BAZ2B: variants seen among roughly 807,000 people sequenced by gnomAD.
BAZ2B encodes bromodomain adjacent to zinc finger domain protein 2B.
A neutral mutation model predicts 246.0 loss-of-function variants in BAZ2B; 91 were observed. The ratio of observed to expected loss-of-function variants is 0.37; its 90% CI spans 0.31 to 0.44. BAZ2B has a LOEUF of 0.44. BAZ2B is among the 20% of genes least tolerant of loss of function. BAZ2B has a pLI of 1.00. For synonymous variants in BAZ2B, 855 were observed against 860.0 expected (o/e 0.99, Z 0.10); for missense variants, 2,332 against 2,533.7 (o/e 0.92, Z 1.71).
chr2:159,697,217 GT>G, the BAZ2B span, among the ~76,000 whole-genome samples: 37,517 of 151,766 alleles, frequency 0.25, 5,981 homozygotes, highest in Admixed American at 0.43. Flanking sequence ...TTGCCTGCTT[GT>G]TTTTTTTGGA....
the BAZ2B span, among the ~76,000 whole-genome samples, chr2:159,703,859 T>C: frequency 6.6e-6 from 1 of 152,142 alleles, no homozygotes; most frequent in African/African-American, 2.4e-5. Flanking sequence ...AACAAGACCC[T>C]GTCTCAAAAA....
chr2:159,394,327 C>T lies in BAZ2B; in HGVS notation c.3075+1442G>A, dbSNP rs568923384. Among the ~76,000 whole-genome samples, 258 of 152,138 alleles carry T rather than the reference C, an allele frequency of 1.7e-3. 1 individual carries two copies. Among genetic ancestry groups the T allele is most frequent in the Non-Finnish European group, 3.0e-3 (203 of 68,000 alleles). ...CCCTTCACTGTACTGTTTCCATAAG[C>T]GAATAGAGAGCAGCCATGCCAATTC... On this transcript the variant is annotated intron_variant, in intron 20 of 36. Coordinates refer to ENST00000392783, the MANE Select transcript of BAZ2B (RefSeq NM_013450.4).
chr2:159,439,886 T>A, intron 6 of BAZ2B, among the ~76,000 whole-genome samples: 1 of 152,126 alleles, frequency 6.6e-6, no homozygotes, highest in East Asian at 1.9e-4. Context: ...TAGATAAATA[T>A]GACGAGAGAG....
At chr2:159,428,076 T>G in intron 12 of BAZ2B, 34 bp from the exon 13 acceptor site, 1 of 1,576,876 alleles carries the variant, frequency 6.3e-7, no homozygotes, top group Non-Finnish European at 8.7e-7. Context: ...ACTTCAGGTT[T>G]TAATAATTAC....
the BAZ2B span, among the ~76,000 whole-genome samples, chr2:159,627,375 T>A: frequency 2.7e-5 from 4 of 149,292 alleles, no homozygotes; most frequent in Middle Eastern, 3.2e-3. Context: ...AAAAAAAAAA[T>A]TTCAGGCCAA....
the BAZ2B span, among the ~76,000 whole-genome samples, chr2:159,709,936 A>G: frequency 2.6e-5 from 4 of 152,206 alleles, no homozygotes; most frequent in Admixed American, 2.6e-4. Context: ...AAAAATGAAA[A>G]CTAAGGTGAG....
In BAZ2B at chr2:159,484,664, T is replaced by C. The variant is rs868454294; in HGVS notation, c.-2-5943A>G. On this transcript the variant is annotated intron_variant, in intron 2 of 36. Transcript: ENST00000392783. The stretch of plus-strand genomic sequence containing the variant: ...TTTATGTATCTCAAGTATTCCTGTT[T>C]TGTGTAATCATAGAGTTCATGAACA... 3.3e-5 allele frequency among the ~76,000 whole-genome samples: 5 copies of C among 152,346 alleles called. 1 individual carries two copies. In the Middle Eastern group the frequency reaches 0.01, roughly 311 times the overall value.
chr2:159,604,766 G>C (rs893253255), intron 1 of BAZ2B, among the ~76,000 whole-genome samples: 3 of 151,956 alleles, frequency 2.0e-5, no homozygotes, highest in African/African-American at 7.3e-5. Flanking sequence ...CCTTAACATA[G>C]GCATAAAAGG....
At chr2:159,355,866 C>T (rs2059055763) in intron 27 of BAZ2B, among the ~76,000 whole-genome samples, 1 of 152,200 alleles carries the variant, frequency 6.6e-6, no homozygotes, top group Non-Finnish European at 1.5e-5. Flanking sequence ...GGCATTGCCT[C>T]ACCCAGGAAG....
chr2:159,581,231 A>G (rs76098697), intron 1 of BAZ2B, among the ~76,000 whole-genome samples: 1 of 152,296 alleles, frequency 6.6e-6, no homozygotes, highest in Admixed American at 6.5e-5. Context: ...GAAAAAAAAA[A>G]TCAAACCACC....
At chr2:159,315,802 T>A (rs1558905961), downstream of BAZ2B, among the ~76,000 whole-genome samples, 1 of 152,178 alleles carries the variant, frequency 6.6e-6, no homozygotes, top group Non-Finnish European at 1.5e-5. Flanking sequence ...AGTCCATGTA[T>A]TAAAAAAATC....
chr2:159,410,339 C>A (rs576309361), intron 14 of BAZ2B, among the ~76,000 whole-genome samples: 1 of 152,270 alleles, frequency 6.6e-6, no homozygotes, highest in African/African-American at 2.4e-5. Flanking sequence ...TGTTCGTACC[C>A]AAATCTCATC....
chr2:159,671,563 A>G, the BAZ2B span, among the ~76,000 whole-genome samples: 2 of 152,330 alleles, frequency 1.3e-5, no homozygotes, highest in Admixed American at 1.3e-4. Context: ...TTCACCAATT[A>G]GACAAAAAAT....
intron 1 of BAZ2B, among the ~76,000 whole-genome samples, chr2:159,597,016 G>C (rs928639313): frequency 6.6e-6 from 1 of 152,194 alleles, no homozygotes; most frequent in South Asian, 2.1e-4. Context: ...CCTACCAACA[G>C]TGTAGAAGTG....
At chr2:159,613,292 A>G (rs973496806) in intron 1 of BAZ2B, among the ~76,000 whole-genome samples, 1 of 152,116 alleles carries the variant, frequency 6.6e-6, no homozygotes, top group African/African-American at 2.4e-5. Context: ...TGTAAGAGTA[A>G]ATGGTACTAC....
At chr2:159,679,231 C>A in the BAZ2B span, among the ~76,000 whole-genome samples, 9 of 134,148 alleles carry the variant, frequency 6.7e-5, no homozygotes, top group African/African-American at 2.6e-4. Context: ...AAGATTGCTC[C>A]GCTGCACTCC....
At chr2:159,624,358 C>T in the BAZ2B span, among the ~76,000 whole-genome samples, 1 of 152,232 alleles carries the variant, frequency 6.6e-6, no homozygotes, top group Non-Finnish European at 1.5e-5. Context: ...GTCAGACTGC[C>T]TCCTCAAGTG....
chr2:159,350,598 G>A (rs1413357754), intron 27 of BAZ2B, among the ~76,000 whole-genome samples: 1 of 152,028 alleles, frequency 6.6e-6, no homozygotes. Flanking sequence ...GATGGACGGA[G>A]TCTCACTCTT....
intron 2 of BAZ2B, among the ~76,000 whole-genome samples, chr2:159,492,355 T>G (rs1430266696): frequency 2.0e-5 from 3 of 152,232 alleles, no homozygotes; most frequent in Admixed American, 2.0e-4. Flanking sequence ...CACTGTTGAC[T>G]GCTGACAATT....
Sources: gnomAD v4.1 joint callset for allele counts (sites outside exome capture counted in the v4.1 genomes callset) on GRCh38, gnomAD v4.1.1 for gene constraint, MANE v1.5 for transcripts, NCBI Gene and HGNC (gene_info 2026-07-23, HGNC 2026-07-21) for gene names.